KCNMA1: variants seen among roughly 807,000 people sequenced by gnomAD.
The protein encoded by KCNMA1 is potassium calcium-activated channel subfamily M alpha 1.
KCNMA1 carries 29 observed loss-of-function variants against 140.0 expected under a neutral mutation model. That is an observed-to-expected ratio of 0.21 (90% CI 0.15 to 0.28). KCNMA1 has a LOEUF of 0.28. Among genes scored for constraint, KCNMA1 ranks in the 10% least tolerant of loss-of-function variants. The probability of loss-of-function intolerance (pLI) is 1.00; values close to 1 mark genes in which losing one functional copy is unlikely to be tolerated. For synonymous variants in KCNMA1, 612 were observed against 611.9 expected (o/e 1.00, Z 0.00); for missense variants, 880 against 1,602.2 (o/e 0.55, Z 7.70).
chr10:77,633,239 C>A (rs1162607767), intron 1 of KCNMA1, among the ~76,000 whole-genome samples: 2 of 152,068 alleles, frequency 1.3e-5, no homozygotes. Flanking sequence ...TGCTTGAACC[C>A]AGGAGGCGCA....
At chr10:77,110,062 G>A (rs1013940518) in intron 8 of KCNMA1, 111 bp downstream of exon 8, 15 of 955,076 alleles carry the variant, frequency 1.6e-5, no homozygotes, top group Non-Finnish European at 2.4e-5. Flanking sequence ...GTAACGTTAA[G>A]GCTTGCTTCT....
At chr10:77,215,907 C>G (rs2047622366) in intron 3 of KCNMA1, among the ~76,000 whole-genome samples, 1 of 132,178 alleles carries the variant, frequency 7.6e-6, no homozygotes, top group South Asian at 2.4e-4. Context: ...CTCCTCTCTC[C>G]TCTCTCTCTC....
intron 1 of KCNMA1, among the ~76,000 whole-genome samples, chr10:77,447,309 G>A (rs1401162107): frequency 6.6e-6 from 1 of 152,138 alleles, no homozygotes; most frequent in Non-Finnish European, 1.5e-5. Flanking sequence ...TGTCACTCTG[G>A]CCTCTGCCTC....
intron 1 of KCNMA1, among the ~76,000 whole-genome samples, chr10:77,523,013 T>C (rs2054026346): frequency 6.6e-6 from 1 of 152,152 alleles, no homozygotes. Flanking sequence ...CCCTCCTCTA[T>C]GTAGTCCTCC....
chr10:77,451,490 C>G (rs2097658848), intron 1 of KCNMA1, among the ~76,000 whole-genome samples: 1 of 152,144 alleles, frequency 6.6e-6, no homozygotes, highest in Non-Finnish European at 1.5e-5. Context: ...ACTCAAATCC[C>G]AGGTAGAAAG....
intron 1 of KCNMA1, among the ~76,000 whole-genome samples, chr10:77,405,820 G>T: frequency 6.6e-6 from 1 of 152,190 alleles, no homozygotes; most frequent in East Asian, 1.9e-4. Flanking sequence ...AGTGACAAAG[G>T]GGGCGGGGCA....
At chr10:77,523,081 T>G (rs886249754) in intron 1 of KCNMA1, among the ~76,000 whole-genome samples, 1 of 152,076 alleles carries the variant, frequency 6.6e-6, no homozygotes, top group African/African-American at 2.4e-5. Context: ...AACTCTCTCA[T>G]GCTCTTCCCA....
At chr10:77,264,670 C>T (rs2062924642) in intron 2 of KCNMA1, among the ~76,000 whole-genome samples, 1 of 152,188 alleles carries the variant, frequency 6.6e-6, no homozygotes, top group African/African-American at 2.4e-5. Context: ...CTTAAGCTTA[C>T]TGCATGGTTT....
chr10:77,205,146 G>A (rs1187561986), intron 3 of KCNMA1, among the ~76,000 whole-genome samples: 6 of 152,222 alleles, frequency 3.9e-5, no homozygotes, highest in Non-Finnish European at 5.9e-5. Flanking sequence ...ACTATGCAGT[G>A]GGCACACAAA....
chr10:77,517,833 A>C (rs2051145989), intron 1 of KCNMA1, among the ~76,000 whole-genome samples: 1 of 152,236 alleles, frequency 6.6e-6, no homozygotes. Flanking sequence ...TACTGCCTCC[A>C]TGCAACAGAC....
intron 1 of KCNMA1, among the ~76,000 whole-genome samples, chr10:77,599,631 T>C (rs556846646): frequency 1.8e-4 from 27 of 152,342 alleles, no homozygotes; most frequent in Admixed American, 1.1e-3. Flanking sequence ...AAGTTCCCAC[T>C]GCGCAGAGTT....
At chr10:77,183,123 T>C (rs2098816034) in intron 5 of KCNMA1, among the ~76,000 whole-genome samples, 1 of 152,096 alleles carries the variant, frequency 6.6e-6, no homozygotes, top group Admixed American at 6.6e-5. Flanking sequence ...TGACTCTAAG[T>C]TCCTGAATGA....
chr10:77,452,121 C>T (rs545784497), intron 1 of KCNMA1, among the ~76,000 whole-genome samples: 7 of 152,316 alleles, frequency 4.6e-5, no homozygotes, highest in East Asian at 3.9e-4. Context: ...CCCTTTCCCC[C>T]GCCCTCCCAC....
chr10:77,322,808 T>C (rs1320936049), intron 2 of KCNMA1, among the ~76,000 whole-genome samples: 1 of 152,086 alleles, frequency 6.6e-6, no homozygotes, highest in Non-Finnish European at 1.5e-5. Flanking sequence ...GCCTAAATAC[T>C]CTATGCTAGA....
intron 2 of KCNMA1, among the ~76,000 whole-genome samples, chr10:77,394,199 G>A (rs2095949261): frequency 6.6e-6 from 1 of 152,240 alleles, no homozygotes; most frequent in Non-Finnish European, 1.5e-5. Context: ...CCAGGATCAA[G>A]TGGGCTGTCC....
intron 20 of KCNMA1, among the ~76,000 whole-genome samples, chr10:76,968,782 T>C (rs898125613): frequency 1.3e-5 from 2 of 152,198 alleles, no homozygotes; most frequent in African/African-American, 4.8e-5. Flanking sequence ...GATGGTGATA[T>C]GGAAAAGGAG....
chr10:77,434,488 C>T (rs906900524), intron 1 of KCNMA1, among the ~76,000 whole-genome samples: 10 of 152,166 alleles, frequency 6.6e-5, no homozygotes, highest in Non-Finnish European at 7.3e-5. Context: ...CTCTCCTAAG[C>T]GAGAGGCTCC....
chr10:76,970,119 G>T (rs2075591321), intron 19 of KCNMA1, 52 bp from the exon 20 acceptor site: 2 of 1,342,036 alleles, frequency 1.5e-6, no homozygotes, highest in Middle Eastern at 1.8e-4. Context: ...GGCAGACTGT[G>T]CAATACAGGC....
intron 1 of KCNMA1, among the ~76,000 whole-genome samples, chr10:77,409,587 T>C (rs1014728960): frequency 6.6e-6 from 1 of 152,168 alleles, no homozygotes; most frequent in African/African-American, 2.4e-5. Flanking sequence ...TGGTACTGGG[T>C]TCAGGTGTGA....
Sources: allele counts gnomAD v4.1 joint callset (sites outside exome capture counted in the v4.1 genomes callset), GRCh38; gene constraint gnomAD v4.1.1; transcripts MANE v1.5; gene names NCBI Gene and HGNC (gene_info 2026-07-23, HGNC 2026-07-21).